ATXN10: variants seen among roughly 807,000 people sequenced by gnomAD.
The protein encoded by ATXN10 is ataxin-10.
In ATXN10, 28 loss-of-function variants were observed where a neutral mutation model predicts 52.9. The observed-to-expected ratio is 0.53, with a 90% CI of 0.39 to 0.73. The LOEUF is 0.73. Ranked by LOEUF, ATXN10 falls within the 30% of genes least tolerant of loss-of-function variation. The pLI, the probability that ATXN10 is intolerant of heterozygous loss-of-function variation, is 0.00. For missense variants in ATXN10, 565 were observed against 577.0 expected (o/e 0.98, Z 0.21); for synonymous variants, 226 against 221.5 (o/e 1.02, Z -0.18).
At chr22:45,834,438 C>T (rs1929098571) in intron 10 of ATXN10, among the ~76,000 whole-genome samples, 1 of 152,198 alleles carries the variant, frequency 6.6e-6, no homozygotes, top group Non-Finnish European at 1.5e-5. Context: ...TGCCGGTGTG[C>T]TACTGGCAGT....
In ATXN10 at chr22:45,816,017, A is replaced by G. The variant is rs1442849245; in HGVS notation, c.1237+8995A>G. The stretch of plus-strand genomic sequence containing the variant: ...GTAATCCTAGCACTTTGGGAGGCTG[A>G]GGTGTGTGCATCACTTGAGGTCAGG... On this transcript the variant is annotated intron_variant, in intron 10 of 11. Transcript: ENST00000252934. This position sits in a 1 kb window ranked among gnomAD's most constrained non-coding sequence, Gnocchi z 5.8. 2.0e-5 allele frequency among the ~76,000 whole-genome samples: 3 copies of G among 152,140 alleles called. No homozygotes were observed. The highest frequency in any genetic ancestry group is 7.2e-5 in the African/African-American group (3 of 41,434).
At chr22:45,822,077 G>A (rs570260741) in intron 10 of ATXN10, among the ~76,000 whole-genome samples, 79 of 152,200 alleles carry the variant, frequency 5.2e-4, no homozygotes, top group African/African-American at 1.8e-3. Context: ...TCATATAAAC[G>A]GAATCATAGC....
rs1296807877 is a variant in ATXN10 at position 45,795,627 on chromosome 22, G to A, written c.1174-11332G>A. Reference sequence around the variant, plus strand: ...TTTCGGGAAGTCAGGGACCCTGAACGGAGGGACTGGCTGAAGCCATGGCAG... The same window carrying A: ...TTTCGGGAAGTCAGGGACCCTGAACAGAGGGACTGGCTGAAGCCATGGCAG... On this transcript the variant is annotated intron_variant, in intron 9 of 11. Transcript: ENST00000252934. This position sits in a 1 kb window ranked among gnomAD's most constrained non-coding sequence, Gnocchi z 4.6. 1.3e-5 allele frequency among the ~76,000 whole-genome samples: 2 copies of A among 152,072 alleles called. No homozygotes were observed. Among genetic ancestry groups the A allele is most frequent in the Non-Finnish European group, 2.9e-5 (2 of 68,022 alleles).
intron 9 of ATXN10, among the ~76,000 whole-genome samples, chr22:45,803,495 G>A (rs1055762530): frequency 6.6e-6 from 1 of 152,162 alleles, no homozygotes; most frequent in African/African-American, 2.4e-5. Context: ...CTATGAGCGT[G>A]AAAACCAACC....
intron 9 of ATXN10, among the ~76,000 whole-genome samples, chr22:45,771,230 T>C (rs1926765669): frequency 6.6e-6 from 1 of 152,212 alleles, no homozygotes; most frequent in Non-Finnish European, 1.5e-5. Context: ...TAAACAATGG[T>C]ACATCCATAC....
rs529403590 is a variant in ATXN10 at position 45,757,933 on chromosome 22, A to G, written c.1173+17395A>G. Among the ~76,000 whole-genome samples the G allele has an allele frequency of 6.6e-6, 1 of 152,308 alleles. No homozygotes were observed. Among genetic ancestry groups the G allele is most frequent in the East Asian group, 1.9e-4 (1 of 5,180 alleles). ...TGGACCTCTGCTGTGGATACTATTT[A>G]CTTCTTTTGAAATTTGTAAAAGAAG... On this transcript the variant is annotated intron_variant, in intron 9 of 11. Transcript: ENST00000252934. This position sits in a 1 kb window ranked among gnomAD's most constrained non-coding sequence, Gnocchi z 4.6.
Position 45,781,362 on chromosome 22 carries a change from C to G in ATXN10, c.1174-25597C>G, listed in dbSNP as rs536378981. Among the ~76,000 whole-genome samples the G allele has an allele frequency of 6.6e-6, 1 of 152,192 alleles. No individual in the cohort carries two copies. The highest frequency in any genetic ancestry group is 1.9e-4 in the East Asian group (1 of 5,180). ...GAGTAGGGAGCATGAACAACCAGCTCTGCCCAGCAGTAGTGAGGCACCCCT... is the reference window on the plus strand; with the variant it reads ...GAGTAGGGAGCATGAACAACCAGCTGTGCCCAGCAGTAGTGAGGCACCCCT... On this transcript the variant is annotated intron_variant, in intron 9 of 11. Transcript: ENST00000252934. This position sits in a 1 kb window ranked among gnomAD's most constrained non-coding sequence, Gnocchi z 4.2.
Position 45,826,048 on chromosome 22 carries a change from C to G in ATXN10, c.1238-16943C>G, listed in dbSNP as rs1928804800. ...CTGTGCTGTAGCCTGGGGAACAGAG[C>G]CAGGCCCTGTCTCTAAATCAAAACA... On this transcript the variant is annotated intron_variant, in intron 10 of 11. Coordinates refer to ENST00000252934, the MANE Select transcript of ATXN10 (RefSeq NM_013236.4). This position sits in a 1 kb window ranked among gnomAD's most constrained non-coding sequence, Gnocchi z 5.0. Among the ~76,000 whole-genome samples the G allele has an allele frequency of 6.6e-6, 1 of 152,002 alleles. No individual in the cohort carries two copies. The highest frequency in any genetic ancestry group is 1.5e-5 in the Non-Finnish European group (1 of 68,028).
intron 5 of ATXN10, among the ~76,000 whole-genome samples, chr22:45,711,342 A>T (rs943404722): frequency 6.6e-6 from 1 of 152,104 alleles, no homozygotes; most frequent in Non-Finnish European, 1.5e-5. Context: ...AGAAATGGAG[A>T]ACGGATTAGT....
chr22:45,766,823 A>G lies in ATXN10; in HGVS notation c.1173+26285A>G, dbSNP rs1032643888. ...AGAGTTTCCAAAAATAAAGGAAAAA[A>G]CCAATAGCCCTACAGAAAAATGGAT... On this transcript the variant is annotated intron_variant, in intron 9 of 11. Coordinates refer to ENST00000252934, the MANE Select transcript of ATXN10 (RefSeq NM_013236.4). The surrounding 1 kb of genome is among the most constrained non-coding windows in gnomAD (Gnocchi z 4.6). Among the ~76,000 whole-genome samples the G allele has an allele frequency of 2.0e-5, 3 of 152,266 alleles. No homozygotes were observed. Among genetic ancestry groups the G allele is most frequent in the Admixed American group, 6.5e-5 (1 of 15,290 alleles).
intron 7 of ATXN10, chr22:45,738,460 A>G: frequency 5.0e-6 from 2 of 399,686 alleles, no homozygotes; most frequent in South Asian, 6.2e-5. Context: ...CTTGAATAAG[A>G]ACTTTTCTGA....
chr22:45,779,305 C>T (rs921590253), intron 9 of ATXN10, among the ~76,000 whole-genome samples: 2 of 152,072 alleles, frequency 1.3e-5, no homozygotes, highest in African/African-American at 2.4e-5. Context: ...TCTTGGGCCT[C>T]GTATGTAAGT....
chr22:45,720,642 C>CT (rs537636054), intron 6 of ATXN10, among the ~76,000 whole-genome samples: 368 of 152,310 alleles, frequency 2.4e-3, no homozygotes, highest in African/African-American at 8.7e-3. Context: ...TGAGGTACCA[C>CT]TTGATACCCA....
intron 9 of ATXN10, among the ~76,000 whole-genome samples, chr22:45,791,513 AAGCATGGTC>A (rs1159535659): frequency 6.6e-6 from 1 of 152,156 alleles, no homozygotes; most frequent in African/African-American, 2.4e-5. Flanking sequence ...AATAGGGGCT[AAGCATGGTC>A]GGGTACTTTT....
At chr22:45,814,713 G>A (rs920743402) in intron 10 of ATXN10, among the ~76,000 whole-genome samples, 4 of 152,198 alleles carry the variant, frequency 2.6e-5, no homozygotes, top group Non-Finnish European at 4.4e-5. Context: ...CTGGAGGTGA[G>A]CAAGCATCAA....
At chr22:45,777,241 A>G (rs1463308105) in intron 9 of ATXN10, among the ~76,000 whole-genome samples, 1 of 152,232 alleles carries the variant, frequency 6.6e-6, no homozygotes, top group African/African-American at 2.4e-5. Context: ...CAGTTAGCAT[A>G]AAGTGCTGTT....
intron 3 of ATXN10, among the ~76,000 whole-genome samples, chr22:45,698,691 A>G (rs1923716190): frequency 6.6e-6 from 1 of 152,174 alleles, no homozygotes; most frequent in African/African-American, 2.4e-5. Flanking sequence ...TTGGAAGGAT[A>G]TTATTGAGGC....
At chr22:45,674,348 C>T (rs1482058994) in intron 1 of ATXN10, 3 of 152,196 alleles carry the variant, frequency 2.0e-5, no homozygotes, top group Non-Finnish European at 4.4e-5. Flanking sequence ...GATTGGAGAC[C>T]AGGAAAGGTG....
rs1450454075 is a variant in ATXN10, at chr22:45,740,485, C to G, written c.1120C>G (p.Leu374Val). 1 of 1,613,802 alleles carries G rather than the reference C, an allele frequency of 6.2e-7. No homozygotes were observed. The highest frequency in any genetic ancestry group is 8.5e-7 in the Non-Finnish European group (1 of 1,179,864). Residue 374 changes from leucine to valine, a missense_variant, in exon 9 of 12, where the codon CTC becomes GTC. Transcript: ENST00000252934. Reference protein sequence around the residue: ...SNVANGFKSHLIRLIGNLCYK... With the variant: ...SNVANGFKSHVIRLIGNLCYK... ...TGTGGCCAATGGGTTTAAGTCTCAT[C>G]TCATTCGTCTGATTGGAAATCTGTG...
Sources: allele counts gnomAD v4.1 joint callset (sites outside exome capture counted in the v4.1 genomes callset), GRCh38; gene constraint gnomAD v4.1.1; non-coding constraint Gnocchi (gnomAD v3.1); transcripts MANE v1.5; gene names NCBI Gene and HGNC (gene_info 2026-07-23, HGNC 2026-07-21).